Variants in TRAPPC9 observed in about 807,000 individuals in gnomAD.
The protein encoded by TRAPPC9 is IKK2 binding protein.
TRAPPC9 carries 83 observed loss-of-function variants against 124.0 expected under a neutral mutation model. The observed-to-expected ratio is 0.67, with a 90% CI of 0.56 to 0.80. TRAPPC9 has a LOEUF of 0.80. Ranked by LOEUF, TRAPPC9 falls within the 30% of genes least tolerant of loss-of-function variation. TRAPPC9 has a pLI of 0.00. For synonymous variants in TRAPPC9, 638 were observed against 617.5 expected (o/e 1.03, Z -0.49); for missense variants, 1,302 against 1,508.3 (o/e 0.86, Z 2.27).
At chr8:140,310,009 G>A (rs868214337) in intron 10 of TRAPPC9, among the ~76,000 whole-genome samples, 3 of 152,150 alleles carry the variant, frequency 2.0e-5, no homozygotes, top group Non-Finnish European at 4.4e-5. Flanking sequence ...AATGCACAGC[G>A]ACCCTTTCTG....
chr8:140,309,883 T>A (rs190540523), intron 10 of TRAPPC9, among the ~76,000 whole-genome samples: 7 of 152,300 alleles, frequency 4.6e-5, no homozygotes, highest in Admixed American at 6.5e-5. Flanking sequence ...CACAGCACCT[T>A]CTCAGGCCAC....
At chr8:140,407,466 A>G (rs778667451) in intron 5 of TRAPPC9, among the ~76,000 whole-genome samples, 19 of 151,472 alleles carry the variant, frequency 1.3e-4, no homozygotes, top group Non-Finnish European at 2.2e-4. Flanking sequence ...CATTCTTCAC[A>G]TGGTATCTCA....
chr8:139,944,999 C>T (rs1054973280), intron 19 of TRAPPC9, among the ~76,000 whole-genome samples: 1 of 152,094 alleles, frequency 6.6e-6, no homozygotes, highest in Non-Finnish European at 1.5e-5. Context: ...TGGCATGCAC[C>T]TGTAAAGCCA....
chr8:140,321,139 G>A (rs373822397), intron 9 of TRAPPC9, among the ~76,000 whole-genome samples: 195 of 152,372 alleles, frequency 1.3e-3, no homozygotes, highest in African/African-American at 4.4e-3. Context: ...CCCCGGGAGT[G>A]GTGCAGATTC....
chr8:140,048,272 T>C (rs989553908), intron 17 of TRAPPC9, among the ~76,000 whole-genome samples: 1 of 152,200 alleles, frequency 6.6e-6, no homozygotes, highest in Non-Finnish European at 1.5e-5. Flanking sequence ...GTCCAATCAA[T>C]TGTCATAAAC....
Position 139,825,444 on chromosome 8 carries a change from G to A in TRAPPC9, c.3055+60435C>T, listed in dbSNP as rs1175094231. On this transcript the variant is annotated intron_variant, in intron 21 of 22. Coordinates refer to ENST00000438773, the MANE Select transcript of TRAPPC9 (RefSeq NM_001160372.4). The surrounding 1 kb of genome is among the most constrained non-coding windows in gnomAD (Gnocchi z 4.6). ...GCTGTGGGCCCAGGAAGTGCTTCCC[G>A]GGCGCCGGATGGATGGGCACCAGGG... Among the ~76,000 whole-genome samples the A allele has an allele frequency of 2.6e-5, 4 of 152,184 alleles. No individual in the cohort carries two copies. Among genetic ancestry groups the A allele is most frequent in the African/African-American group, 7.2e-5 (3 of 41,450 alleles).
chr8:139,813,675 G>A (rs564689758), intron 21 of TRAPPC9, among the ~76,000 whole-genome samples: 31 of 152,328 alleles, frequency 2.0e-4, no homozygotes, highest in African/African-American at 7.5e-4. Context: ...CGGAAAGCTG[G>A]TGCCCAGGTC....
At chr8:140,149,420 G>C (rs2061508196) in intron 17 of TRAPPC9, among the ~76,000 whole-genome samples, 1 of 152,154 alleles carries the variant, frequency 6.6e-6, no homozygotes, top group Non-Finnish European at 1.5e-5. Flanking sequence ...GGGAGTTCGA[G>C]ACTAGCCTGG....
intron 17 of TRAPPC9, among the ~76,000 whole-genome samples, chr8:140,034,482 T>A (rs984621603): frequency 2.6e-5 from 4 of 152,198 alleles, no homozygotes; most frequent in African/African-American, 9.7e-5. Context: ...ACGGAGCACG[T>A]TCCCTGCCTC....
At position 140,309,279 on chromosome 8, in the gene TRAPPC9, G is replaced by C. The variant is rs150141175; in HGVS notation, c.1622+1969C>G. On this transcript the variant is annotated intron_variant, in intron 10 of 22. Coordinates refer to ENST00000438773, the MANE Select transcript of TRAPPC9 (RefSeq NM_001160372.4). ...CTGCGCTTTTGTGTGCCTCTGCTCA[G>C]CTGAAACAAAACAAACCACTCTGTG... 3.8e-3 allele frequency among the ~76,000 whole-genome samples: 576 copies of C among 152,338 alleles called. 4 individuals are homozygous for C. The highest frequency in any genetic ancestry group is 0.013 in the African/African-American group (527 of 41,572).
Position 140,222,867 on chromosome 8 carries a change from T to A in TRAPPC9, c.2432-1284A>T, listed in dbSNP as rs150753467. On this transcript the variant is annotated intron_variant, in intron 16 of 22. Coordinates refer to ENST00000438773, the MANE Select transcript of TRAPPC9 (RefSeq NM_001160372.4). ...AGAACAAACCACCAGAGGCAACTTG[T>A]GCAAGAAATCACGTTCATACTGATT... Among the ~76,000 whole-genome samples the A allele has an allele frequency of 6.5e-3, 988 of 152,274 alleles. 12 individuals are homozygous for A. Among genetic ancestry groups the A allele is most frequent in the African/African-American group, 0.023 (952 of 41,550 alleles).
At chr8:140,354,974 G>C (rs1267347236) in intron 9 of TRAPPC9, among the ~76,000 whole-genome samples, 1 of 152,072 alleles carries the variant, frequency 6.6e-6, no homozygotes, top group African/African-American at 2.4e-5. Context: ...ATTATATAAA[G>C]GTCTTTCAAG....
At chr8:140,050,310 G>A (rs774918242) in intron 17 of TRAPPC9, among the ~76,000 whole-genome samples, 6 of 152,186 alleles carry the variant, frequency 3.9e-5, no homozygotes, top group Non-Finnish European at 5.9e-5. Context: ...TGAAATATGC[G>A]CATTAGCTAC....
intron 20 of TRAPPC9, among the ~76,000 whole-genome samples, chr8:139,899,303 A>T (rs1014061711): frequency 2.0e-5 from 3 of 152,216 alleles, no homozygotes; most frequent in Admixed American, 6.5e-5. Context: ...CTGAAGTCTT[A>T]CAGATAACAT....
At position 140,090,065 on chromosome 8, in the gene TRAPPC9, C is replaced by T. The variant is rs373105729; in HGVS notation, c.2557-65986G>A. ...ACCGCACTCCAGCCTGGCGACAGAG[C>T]GAGACTCTGTCTCAAAAACAACAAC... On this transcript the variant is annotated intron_variant, in intron 17 of 22. Coordinates refer to ENST00000438773, the MANE Select transcript of TRAPPC9 (RefSeq NM_001160372.4). 5.3e-5 allele frequency among the ~76,000 whole-genome samples: 8 copies of T among 151,882 alleles called. No homozygotes were observed. The East Asian group carries it at 1.4e-3, about 26-fold the overall frequency.
At chr8:139,866,615 T>C (rs1828558004) in intron 21 of TRAPPC9, among the ~76,000 whole-genome samples, 1 of 152,000 alleles carries the variant, frequency 6.6e-6, no homozygotes, top group Admixed American at 6.6e-5. Context: ...GTAAAGATAA[T>C]GAAAGCCGAC....
At chr8:139,954,282 G>A (rs1244569501) in intron 19 of TRAPPC9, among the ~76,000 whole-genome samples, 6 of 152,292 alleles carry the variant, frequency 3.9e-5, no homozygotes, top group Middle Eastern at 3.4e-3. Flanking sequence ...GTAGTTTTTA[G>A]TATGTCAATT....
At chr8:139,967,848 C>A (rs1213554178) in intron 19 of TRAPPC9, among the ~76,000 whole-genome samples, 1 of 152,216 alleles carries the variant, frequency 6.6e-6, no homozygotes, top group East Asian at 1.9e-4. Flanking sequence ...TTAAAAAAAA[C>A]ACAATGGTGG....
chr8:140,112,214 G>A (rs1162242117), intron 17 of TRAPPC9, among the ~76,000 whole-genome samples: 1 of 152,026 alleles, frequency 6.6e-6, no homozygotes, highest in Non-Finnish European at 1.5e-5. Flanking sequence ...ACGATGGTGG[G>A]ACAGGTGGGA....
Sources: gnomAD v4.1 joint callset for allele counts (sites outside exome capture counted in the v4.1 genomes callset) on GRCh38, gnomAD v4.1.1 for gene constraint, Gnocchi (gnomAD v3.1) non-coding constraint, MANE v1.5 for transcripts, NCBI Gene and HGNC (gene_info 2026-07-23, HGNC 2026-07-21) for gene names.